The following CSMD3 variants were observed in gnomAD, a reference collection of about 807,000 sequenced individuals.
CSMD3 encodes CUB and Sushi multiple domains 3.
Under a neutral mutation model 435.2 loss-of-function variants are expected in CSMD3, and 177 were observed. That is an observed-to-expected ratio of 0.41 (90% CI 0.36 to 0.46). The LOEUF (loss-of-function observed/expected upper bound fraction) is 0.46, where lower values mean the gene tolerates loss of function less well. Among genes scored for constraint, CSMD3 ranks in the 20% least tolerant of loss-of-function variants. The pLI is 0.34. For missense variants in CSMD3, 4,265 were observed against 4,504.6 expected, an observed-to-expected ratio of 0.95 and a Z score of 1.52; for synonymous variants, 1,656 against 1,520.5, an observed-to-expected ratio of 1.09 and a Z score of -2.07.
intron 4 of CSMD3, among the ~76,000 whole-genome samples, chr8:113,113,512 T>G (rs1006576934): frequency 6.6e-6 from 1 of 152,170 alleles, no homozygotes; most frequent in African/African-American, 2.4e-5. Flanking sequence ...AAAGGCTAGG[T>G]TTAGATGTGA....
chr8:112,224,790 G>A lies in CSMD3; in HGVS notation c.11105C>T (p.Thr3702Met), dbSNP rs1163363504. The A allele has an allele frequency of 1.1e-5, 18 of 1,614,006 alleles. No individual in the cohort carries two copies. Among genetic ancestry groups the A allele is most frequent in the Admixed American group, 3.3e-5 (2 of 60,012 alleles). ...KAVRFDPNLNTVCTMV is the reference protein window; with the variant it reads ...KAVRFDPNLNMVCTMV ...GCCTCGTTATACCATTGTGCAAACC[G>A]TGTTCAAGTTGGGATCAAATCGTAC... is the stretch of plus-strand genomic sequence containing the variant. The change falls in exon 71 of 71, where the codon ACG (threonine) becomes ATG (methionine). Residue 3702 changes from threonine to methionine, a missense_variant. Coordinates refer to ENST00000297405, the MANE Select transcript of CSMD3 (RefSeq NM_198123.2).
chr8:113,431,053 A>T (rs1023297283), intron 1 of CSMD3, among the ~76,000 whole-genome samples: 1 of 152,170 alleles, frequency 6.6e-6, no homozygotes, highest in African/African-American at 2.4e-5. Context: ...TTTAAAAGCG[A>T]TGTCCCTGAA....
At chr8:112,398,161 A>T (rs1409789053) in intron 35 of CSMD3, among the ~76,000 whole-genome samples, 2 of 152,088 alleles carry the variant, frequency 1.3e-5, no homozygotes, top group Non-Finnish European at 1.5e-5. Context: ...TTCAAGAAGA[A>T]TCTCTTTGAT....
At chr8:113,119,712 T>A (rs2131629898) in intron 4 of CSMD3, among the ~76,000 whole-genome samples, 1 of 152,236 alleles carries the variant, frequency 6.6e-6, no homozygotes, top group Non-Finnish European at 1.5e-5. Flanking sequence ...TGAATTTGAA[T>A]AGGAAAAATA....
intron 58 of CSMD3, among the ~76,000 whole-genome samples, chr8:112,285,715 T>A (rs535151303): frequency 6.6e-6 from 1 of 152,216 alleles, no homozygotes; most frequent in Admixed American, 6.5e-5. Flanking sequence ...TTTTTCTTTT[T>A]CCTTTTTATC....
intron 3 of CSMD3, among the ~76,000 whole-genome samples, chr8:113,185,322 G>A (rs1315202777): frequency 6.6e-6 from 1 of 151,974 alleles, no homozygotes; most frequent in African/African-American, 2.4e-5. Flanking sequence ...AAAAAGTTGA[G>A]GTGATGTGGG....
chr8:113,189,111 T>A (rs1358169665), intron 3 of CSMD3, among the ~76,000 whole-genome samples: 4 of 151,898 alleles, frequency 2.6e-5, no homozygotes. Flanking sequence ...GTTACATTGT[T>A]ATTCAGTTCA....
At chr8:112,463,462 C>T (rs1174872788) in intron 32 of CSMD3, among the ~76,000 whole-genome samples, 2 of 152,188 alleles carry the variant, frequency 1.3e-5, no homozygotes, top group Non-Finnish European at 2.9e-5. Flanking sequence ...CACTAGAGGT[C>T]TTTCTTCTCT....
rs1273484510 is a variant in CSMD3 at position 113,008,185 on chromosome 8, G to A, written c.1030+10882C>T. Among the ~76,000 whole-genome samples, 3 of 151,744 alleles carry A rather than the reference G, an allele frequency of 2.0e-5. No homozygotes were observed. In the Admixed American group the frequency reaches 2.0e-4, roughly 10 times the overall value. On this transcript the variant is annotated intron_variant, in intron 6 of 70. Coordinates refer to ENST00000297405, the MANE Select transcript of CSMD3 (RefSeq NM_198123.2). ...TTATTTTATATACTCCTTTTAAGTT[G>A]CACAGTGGTGGAGGGAAATCACAAT...
chr8:113,335,277 T>C (rs2094063426), intron 1 of CSMD3, among the ~76,000 whole-genome samples: 1 of 152,054 alleles, frequency 6.6e-6, no homozygotes, highest in Non-Finnish European at 1.5e-5. Flanking sequence ...ATTAAAACTT[T>C]TTTCTTTATA....
At chr8:112,459,316 C>T (rs2130663255) in intron 32 of CSMD3, among the ~76,000 whole-genome samples, 1 of 147,410 alleles carries the variant, frequency 6.8e-6, no homozygotes, top group African/African-American at 2.6e-5. Context: ...TGCTCACTAG[C>T]CAAATTTGTG....
At chr8:112,260,611 C>T (rs1298491571) in intron 61 of CSMD3, among the ~76,000 whole-genome samples, 1 of 151,936 alleles carries the variant, frequency 6.6e-6, no homozygotes, top group African/African-American at 2.4e-5. Flanking sequence ...ACAAGCAAAC[C>T]TGCCATATAC....
At chr8:113,260,607 G>A (rs999638897) in intron 3 of CSMD3, among the ~76,000 whole-genome samples, 4 of 152,100 alleles carry the variant, frequency 2.6e-5, no homozygotes, top group African/African-American at 7.2e-5. Flanking sequence ...TAAAATCTCC[G>A]AATCCTTTTT....
At chr8:113,085,703 C>T (rs981018677) in intron 5 of CSMD3, among the ~76,000 whole-genome samples, 23 of 152,066 alleles carry the variant, frequency 1.5e-4, no homozygotes, top group African/African-American at 5.6e-4. Context: ...CATTTTCTCA[C>T]TTATATGTGG....
At chr8:113,276,471 C>T (rs534380923) in intron 3 of CSMD3, among the ~76,000 whole-genome samples, 2 of 152,050 alleles carry the variant, frequency 1.3e-5, no homozygotes, top group African/African-American at 2.4e-5. Context: ...GAGAGAAAGC[C>T]TTAGGAGCTA....
At chr8:113,323,851 T>C (rs900134523) in intron 1 of CSMD3, among the ~76,000 whole-genome samples, 2 of 152,204 alleles carry the variant, frequency 1.3e-5, no homozygotes, top group Admixed American at 6.5e-5. Flanking sequence ...TTATGTATGT[T>C]CCTCCAAAAG....
intron 27 of CSMD3, among the ~76,000 whole-genome samples, chr8:112,525,776 A>ATGTGTGTGTGTATATATATATG (rs577823125): frequency 2.1e-5 from 3 of 140,204 alleles, no homozygotes; most frequent in Admixed American, 7.2e-5. Flanking sequence ...ATATATTTAT[A>ATGTGTGTGTGTATATATATATG]TGTGTGTGTA....
At chr8:113,051,299 C>T (rs1165324674) in intron 5 of CSMD3, among the ~76,000 whole-genome samples, 1 of 151,970 alleles carries the variant, frequency 6.6e-6, no homozygotes, top group Non-Finnish European at 1.5e-5. Flanking sequence ...AATGATTGTC[C>T]ATTATAATTG....
intron 24 of CSMD3, among the ~76,000 whole-genome samples, chr8:112,560,476 C>A (rs1333174135): frequency 1.3e-5 from 2 of 151,686 alleles, no homozygotes; most frequent in Non-Finnish European, 3.0e-5. Context: ...ACAATTATTT[C>A]TAGGAGACAA....
Sources: allele counts gnomAD v4.1 joint callset (sites outside exome capture counted in the v4.1 genomes callset), GRCh38; gene constraint gnomAD v4.1.1; transcripts MANE v1.5; gene names NCBI Gene and HGNC (gene_info 2026-07-23, HGNC 2026-07-21).